SH2D3C: variants seen among roughly 807,000 people sequenced by gnomAD.
SH2D3C encodes the protein SH2 domain containing 3C.
A neutral mutation model predicts 75.2 loss-of-function variants in SH2D3C; 25 were observed. The ratio of observed to expected loss-of-function variants is 0.33; its 90% CI spans 0.24 to 0.46. The LOEUF (loss-of-function observed/expected upper bound fraction) is 0.46. SH2D3C is among the 20% of genes least tolerant of loss of function. The probability of loss-of-function intolerance (pLI) is 1.00; values close to 1 mark genes in which losing one functional copy is unlikely to be tolerated. For synonymous variants in SH2D3C, 450 were observed against 473.7 expected (o/e 0.95, Z 0.65); for missense variants, 933 against 1,165.3 (o/e 0.80, Z 2.90).
chr9:127,742,753 C>T, intron 8 of SH2D3C, 96 bp downstream of exon 8: 2 of 863,902 alleles, frequency 2.3e-6, no homozygotes, highest in Non-Finnish European at 3.5e-6. Context: ...CCCTGGGAGC[C>T]GAGCTGAGGC....
intron 6 of SH2D3C, among the ~76,000 whole-genome samples, chr9:127,745,711 C>T (rs1379654777): frequency 3.3e-5 from 5 of 151,912 alleles, no homozygotes; most frequent in Middle Eastern, 3.2e-3. Context: ...CTCACTGCAA[C>T]CCCCGCCTCC....
rs557197381 is a variant in SH2D3C at position 127,754,871 on chromosome 9, C to A, written c.556-3571G>T. The A allele has an allele frequency of 2.0e-6, 1 of 502,880 alleles. No homozygotes were observed. The highest frequency in any genetic ancestry group is 2.3e-5 in the Admixed American group (1 of 43,430). 31.2% of individuals were successfully genotyped at this position (502,880 alleles called of 1,614,324 possible). On this transcript the variant is annotated intron_variant, in intron 3 of 11. Transcript: ENST00000314830. The surrounding 1 kb of genome is among the most constrained non-coding windows in gnomAD (Gnocchi z 4.4). The stretch of plus-strand genomic sequence containing the variant: ...CGCAGCCCAGAGTCCCAGGAGTGGC[C>A]GCCGAACCCTCACCCCGCGGAGCGC...
chr9:127,758,746 G>T (rs1845455540), intron 3 of SH2D3C, among the ~76,000 whole-genome samples: 1 of 152,182 alleles, frequency 6.6e-6, no homozygotes, highest in African/African-American at 2.4e-5. Context: ...CTCAGTGAAT[G>T]TTCCCAGTCA....
intron 6 of SH2D3C, among the ~76,000 whole-genome samples, chr9:127,745,511 T>C (rs548064986): frequency 6.3e-5 from 9 of 143,244 alleles, no homozygotes; most frequent in East Asian, 4.1e-4. Context: ...TGGCCCAGGC[T>C]GGAGTGCAGT....
At chr9:127,760,993 C>A (rs538253771) in intron 3 of SH2D3C, among the ~76,000 whole-genome samples, 1 of 152,236 alleles carries the variant, frequency 6.6e-6, no homozygotes, top group African/African-American at 2.4e-5. Flanking sequence ...GCACGCACCA[C>A]CACTTCTGGC....
intron 2 of SH2D3C, chr9:127,771,446 G>A: frequency 1.7e-6 from 2 of 1,169,790 alleles, no homozygotes; most frequent in Non-Finnish European, 2.2e-6. Flanking sequence ...CTCGAACACG[G>A]CCCTCCGCCT....
In SH2D3C at chr9:127,749,252, G is replaced by A; in HGVS notation, c.1098C>T (p.Leu366=). 1 of 1,587,930 alleles carries A rather than the reference G, an allele frequency of 6.3e-7. No individual in the cohort carries two copies. The highest frequency in any genetic ancestry group is 1.3e-5 in the African/African-American group (1 of 74,726). The change falls in exon 5 of 12, where the codon CTC becomes CTT. Residue 366 remains leucine (L), a synonymous_variant. Transcript: ENST00000314830. The surrounding 1 kb of genome is among the most constrained non-coding windows in gnomAD (Gnocchi z 5.9). ...CGCTGCGGGTGACCTTGTCAGCAGT[G>A]AGCCCATCGGTCATGGTGACGCTGC... is the stretch of plus-strand genomic sequence containing the variant. ...KRRSVTMTDG[L]TADKVTRSDG... is the part of the protein sequence containing the mutation.
rs900773103 is a variant in SH2D3C at position 127,754,884 on chromosome 9, C to G, written c.556-3584G>C. On this transcript the variant is annotated intron_variant, in intron 3 of 11. Coordinates refer to ENST00000314830, the MANE Select transcript of SH2D3C (RefSeq NM_170600.3). The surrounding 1 kb of genome is among the most constrained non-coding windows in gnomAD (Gnocchi z 4.4). ...CCCAGGAGTGGCCGCCGAACCCTCA[C>G]CCCGCGGAGCGCCTGGGCGCCCAGA... The G allele has an allele frequency of 2.0e-6, 1 of 507,038 alleles. No individual in the cohort carries two copies. Among genetic ancestry groups the G allele is most frequent in the Non-Finnish European group, 4.0e-6 (1 of 251,738 alleles). The allele number at this position is 507,038 out of a possible 1,614,324, so 31.4% of individuals were successfully genotyped here.
chr9:127,738,767 A>T lies in SH2D3C; in HGVS notation c.2562T>A (p.Ala854=). The change falls in exon 12 of 12, where the codon GCT becomes GCA. Residue 854 remains alanine (A), a synonymous_variant. Transcript: ENST00000314830. This position sits in a 1 kb window ranked among gnomAD's most constrained non-coding sequence, Gnocchi z 5.0. ...LTALSHKLEP[A]VRSSEL ...GGGGTCACAGCTCGCTGGAGCGGAC[A>T]GCAGGTTCCAGCTTGTGGGACAGGG... 3 of 1,606,716 alleles carry T rather than the reference A, an allele frequency of 1.9e-6. No individual in the cohort carries two copies. The highest frequency in any genetic ancestry group is 2.5e-6 in the Non-Finnish European group (3 of 1,176,566).
chr9:127,769,766 C>T (rs972793611), intron 2 of SH2D3C, among the ~76,000 whole-genome samples: 1 of 152,070 alleles, frequency 6.6e-6, no homozygotes, highest in East Asian at 1.9e-4. Flanking sequence ...CTTAGTCAGG[C>T]CTGGGATCAA....
intron 5 of SH2D3C, among the ~76,000 whole-genome samples, chr9:127,748,818 G>A (rs977972181): frequency 2.2e-4 from 34 of 152,198 alleles, no homozygotes; most frequent in African/African-American, 8.0e-4. Context: ...TGCCCACCTT[G>A]GCCTAGCTGG....
In SH2D3C at chr9:127,739,108, T is replaced by C. The variant is rs1367669314; in HGVS notation, c.2408-187A>G. On this transcript the variant is annotated intron_variant, in intron 11 of 11. Coordinates refer to ENST00000314830, the MANE Select transcript of SH2D3C (RefSeq NM_170600.3). This position sits in a 1 kb window ranked among gnomAD's most constrained non-coding sequence, Gnocchi z 4.3. The stretch of plus-strand genomic sequence containing the variant: ...TTATTTGCAGCATATAATTTAAAAA[T>C]GACTAGACCATAAAATATTAATGTT... Among the ~76,000 whole-genome samples the C allele has an allele frequency of 6.6e-6, 1 of 152,244 alleles. No homozygotes were observed.
chr9:127,752,495 C>G (rs1234649954), intron 3 of SH2D3C, among the ~76,000 whole-genome samples: 3 of 152,048 alleles, frequency 2.0e-5, no homozygotes, highest in Non-Finnish European at 2.9e-5. Flanking sequence ...CAGTAAAGGG[C>G]CTTCATCCCA....
chr9:127,759,509 C>CCCA, intron 3 of SH2D3C, among the ~76,000 whole-genome samples: 1 of 152,098 alleles, frequency 6.6e-6, no homozygotes, highest in South Asian at 2.1e-4. Context: ...AGCCACTGTG[C>CCCA]CCAGCCTGAG....
rs1279007108 is a variant in SH2D3C, at chr9:127,738,839, G to GCTGGCACCCTGACTGCCC, written c.2472_2489dup (p.Ala829_Ser830insArgGlySerGlnGlyAla). On this transcript the variant is annotated inframe_insertion, in exon 12 of 12. Transcript: ENST00000314830. This position sits in a 1 kb window ranked among gnomAD's most constrained non-coding sequence, Gnocchi z 5.0. Reference sequence around the variant, plus strand: ...TCTCATAGCGCCGGGCCTGGCTGCTGCTGGCACCCTGACTGCCCCAGAGAA... The same window carrying GCTGGCACCCTGACTGCCC: ...TCTCATAGCGCCGGGCCTGGCTGCTGCTGGCACCCTGACTGCCCCTGGCACCCTGACTGCCCCAGAGAA... 1 of 1,603,794 alleles carries GCTGGCACCCTGACTGCCC rather than the reference G, an allele frequency of 6.2e-7. No homozygotes were observed. The highest frequency in any genetic ancestry group is 8.5e-7 in the Non-Finnish European group (1 of 1,175,572).
At chr9:127,745,215 TGTCCC>T in intron 6 of SH2D3C, 116 bp from the exon 7 acceptor site, 11 of 778,104 alleles carry the variant, frequency 1.4e-5, no homozygotes, top group East Asian at 3.0e-5. Context: ...ACAGAGGTGA[TGTCCC>T]CACCTCCCTG....
rs145119531 is a variant in SH2D3C, at chr9:127,753,070, G to A, written c.556-1770C>T. On this transcript the variant is annotated intron_variant, in intron 3 of 11. Coordinates refer to ENST00000314830, the MANE Select transcript of SH2D3C (RefSeq NM_170600.3). ...AAGGGGAGGGAGGGGAGATGAATAA[G>A]AAGCTTCCAAGGGGCTGTGGGGGCA... Among the ~76,000 whole-genome samples, 384 of 152,150 alleles carry A rather than the reference G, an allele frequency of 2.5e-3. 8 individuals are homozygous for A. The East Asian group carries it at 0.055, about 22-fold the overall frequency.
chr9:127,744,513 C>G (rs1182000114), intron 7 of SH2D3C, 51 bp downstream of exon 7: 1 of 1,545,288 alleles, frequency 6.5e-7, no homozygotes. Flanking sequence ...CACTGCCCTG[C>G]CCCACAGAAC....
intron 3 of SH2D3C, among the ~76,000 whole-genome samples, chr9:127,756,739 C>T (rs1004905710): frequency 2.0e-5 from 3 of 151,144 alleles, no homozygotes; most frequent in African/African-American, 4.9e-5. Context: ...CCGCCTCCCG[C>T]GTTCATGCCA....
Sources: allele counts gnomAD v4.1 joint callset (sites outside exome capture counted in the v4.1 genomes callset), GRCh38; gene constraint gnomAD v4.1.1; non-coding constraint Gnocchi (gnomAD v3.1); transcripts MANE v1.5; gene names NCBI Gene and HGNC (gene_info 2026-07-23, HGNC 2026-07-21).